STARD13: variants seen among roughly 807,000 people sequenced by gnomAD.
The protein encoded by STARD13 is StAR related lipid transfer domain containing 13.
In STARD13, 62 loss-of-function variants were observed where a neutral mutation model predicts 106.4. That is an observed-to-expected ratio of 0.58 (90% CI 0.48 to 0.72). The LOEUF (loss-of-function observed/expected upper bound fraction) is 0.72, where lower values mean the gene tolerates loss of function less well. Ranked by LOEUF, STARD13 falls within the 30% of genes least tolerant of loss-of-function variation. STARD13 has a pLI of 0.00. For missense variants in STARD13, 1,387 were observed against 1,424.0 expected (o/e 0.97, Z 0.42); for synonymous variants, 565 against 553.0 (o/e 1.02, Z -0.31).
chr13:33,316,256 ACTT>A (rs148092565), intron 1 of STARD13, among the ~76,000 whole-genome samples: 4,356 of 152,164 alleles, frequency 0.029, 216 homozygotes, highest in African/African-American at 0.097. Flanking sequence ...ATATGCCTTC[ACTT>A]CTTCTTTACC....
At chr13:33,460,383 C>T in the STARD13 span, among the ~76,000 whole-genome samples, 2 of 151,106 alleles carry the variant, frequency 1.3e-5, no homozygotes, top group Middle Eastern at 3.4e-3. Context: ...CCTAGGTACT[C>T]GGGAGGCTGA....
chr13:33,432,852 T>C, the STARD13 span, among the ~76,000 whole-genome samples: 1 of 152,316 alleles, frequency 6.6e-6, no homozygotes, highest in African/African-American at 2.4e-5. Context: ...CTCAAAATGA[T>C]TTAGAAGATG....
At chr13:33,350,489 G>A in exon 1 of STARD13, 2 of 1,476,364 alleles carry the variant, frequency 1.4e-6, no homozygotes, top group Non-Finnish European at 1.8e-6. Flanking sequence ...GACTCCCGGC[G>A]ACTGGAAAGG....
intron 1 of STARD13, among the ~76,000 whole-genome samples, chr13:33,206,300 G>C (rs896341205): frequency 6.6e-6 from 1 of 151,850 alleles, no homozygotes; most frequent in South Asian, 2.1e-4. Context: ...AAGGGAAGAA[G>C]TGTTTTAAAC....
the STARD13 span, among the ~76,000 whole-genome samples, chr13:33,381,570 CT>C: frequency 1.7e-4 from 26 of 151,948 alleles, no homozygotes; most frequent in Non-Finnish European, 3.5e-4. Context: ...TGAAACCCCC[CT>C]CTCTACTGAA....
At chr13:33,424,260 G>A in the STARD13 span, among the ~76,000 whole-genome samples, 4 of 152,004 alleles carry the variant, frequency 2.6e-5, no homozygotes, top group African/African-American at 7.2e-5. Context: ...AACTTCTCTC[G>A]CCAGTATCTC....
At chr13:33,377,609 C>T in the STARD13 span, among the ~76,000 whole-genome samples, 1 of 150,002 alleles carries the variant, frequency 6.7e-6, no homozygotes, top group African/African-American at 2.5e-5. Flanking sequence ...ATACTCTCAT[C>T]TCCCCCAGGA....
At chr13:33,436,871 C>G in the STARD13 span, among the ~76,000 whole-genome samples, 1 of 152,088 alleles carries the variant, frequency 6.6e-6, no homozygotes, top group African/African-American at 2.4e-5. Context: ...GTGAATCAGG[C>G]AGTTTTGGAA....
upstream of STARD13, among the ~76,000 whole-genome samples, chr13:33,352,501 C>G (rs374485424): frequency 7.9e-5 from 12 of 152,332 alleles, no homozygotes; most frequent in African/African-American, 2.9e-4. Context: ...TATTCTAGCA[C>G]ATATTTTATA....
chr13:33,581,709 A>C, the STARD13 span, among the ~76,000 whole-genome samples: 1 of 152,212 alleles, frequency 6.6e-6, no homozygotes, highest in Non-Finnish European at 1.5e-5. Context: ...AGGTGATAAC[A>C]AATATCGAAA....
At chr13:33,349,163 C>G in exon 2 of STARD13, 1 of 702,400 alleles carries the variant, frequency 1.4e-6, no homozygotes, top group Non-Finnish European at 2.6e-6. Context: ...ACCTTCTTCT[C>G]TAGAACTTTC....
intron 1 of STARD13, among the ~76,000 whole-genome samples, chr13:33,302,479 G>A (rs1044231199): frequency 2.6e-5 from 4 of 152,098 alleles, no homozygotes; most frequent in African/African-American, 9.7e-5. Flanking sequence ...GCAGTGGCGT[G>A]ATCATGGCTC....
At chr13:33,234,935 G>T (rs1889111667) in intron 1 of STARD13, among the ~76,000 whole-genome samples, 1 of 152,170 alleles carries the variant, frequency 6.6e-6, no homozygotes, top group South Asian at 2.1e-4. Flanking sequence ...GAATTTGTAT[G>T]TTTTTATCTG....
chr13:33,523,993 C>T, the STARD13 span, among the ~76,000 whole-genome samples: 2 of 152,164 alleles, frequency 1.3e-5, no homozygotes, highest in African/African-American at 2.4e-5. Context: ...ATGGACTAAC[C>T]GTTTTACCTT....
At chr13:33,335,115 T>G (rs979626570) in intron 1 of STARD13, 5 of 152,518 alleles carry the variant, frequency 3.3e-5, no homozygotes, top group East Asian at 3.9e-4. Flanking sequence ...CATGGAGCCC[T>G]GGGAAGCCAC....
the STARD13 span, among the ~76,000 whole-genome samples, chr13:33,641,267 G>C: frequency 1.3e-5 from 2 of 152,114 alleles, no homozygotes; most frequent in East Asian, 1.9e-4. Flanking sequence ...CTTAAACAGA[G>C]ACAGGGTCTC....
the STARD13 span, among the ~76,000 whole-genome samples, chr13:33,596,128 A>G: frequency 1.4e-3 from 207 of 152,310 alleles, 2 homozygotes; most frequent in African/African-American, 4.3e-3. Flanking sequence ...GGCTATTGTC[A>G]TTAAGGATTG....
the STARD13 span, among the ~76,000 whole-genome samples, chr13:33,621,989 G>A: frequency 6.6e-6 from 1 of 151,676 alleles, no homozygotes; most frequent in African/African-American, 2.4e-5. Flanking sequence ...ACTTTTAGTA[G>A]AGAAGGGGTT....
chr13:33,649,826 G>C, the STARD13 span, among the ~76,000 whole-genome samples: 3 of 152,106 alleles, frequency 2.0e-5, no homozygotes, highest in African/African-American at 7.2e-5. Context: ...GAGTGACTCT[G>C]ACTTTAAAGA....
Sources: allele counts gnomAD v4.1 joint callset (sites outside exome capture counted in the v4.1 genomes callset), GRCh38; gene constraint gnomAD v4.1.1; transcripts MANE v1.5; gene names NCBI Gene and HGNC (gene_info 2026-07-23, HGNC 2026-07-21).